Variants in DLG2 observed in about 807,000 individuals in gnomAD.
DLG2 encodes disks large homolog 2.
In DLG2, 45 loss-of-function variants were observed where a neutral mutation model predicts 132.5. The ratio of observed to expected loss-of-function variants is 0.34; its 90% CI spans 0.27 to 0.44. The LOEUF (loss-of-function observed/expected upper bound fraction) is 0.44. DLG2 is among the 20% of genes least tolerant of loss of function. DLG2 has a pLI of 1.00. For synonymous variants in DLG2, 424 were observed against 419.6 expected (o/e 1.01, Z -0.13); for missense variants, 1,045 against 1,196.9 (o/e 0.87, Z 1.87).
chr11:85,533,724 T>C (rs1395526339), intron 3 of DLG2, among the ~76,000 whole-genome samples: 4 of 152,122 alleles, frequency 2.6e-5, no homozygotes, highest in Non-Finnish European at 5.9e-5. Flanking sequence ...GTTTGTTTGA[T>C]CTACCTCTTG....
chr11:84,700,211 A>AT (rs1428953045), intron 6 of DLG2, among the ~76,000 whole-genome samples: 1 of 151,586 alleles, frequency 6.6e-6, no homozygotes, highest in African/African-American at 2.4e-5. Context: ...AATAATATTT[A>AT]TTTTATAAAT....
intron 6 of DLG2, among the ~76,000 whole-genome samples, chr11:84,615,038 G>A (rs1297031109): frequency 6.6e-6 from 1 of 152,052 alleles, no homozygotes; most frequent in Non-Finnish European, 1.5e-5. Flanking sequence ...AAGCATTCAA[G>A]CAGGCACCCA....
chr11:84,824,817 C>T (rs1214625381), intron 6 of DLG2, among the ~76,000 whole-genome samples: 3 of 151,946 alleles, frequency 2.0e-5, no homozygotes, highest in East Asian at 3.9e-4. Flanking sequence ...AATTACCAGA[C>T]GCCCACAGTG....
intron 19 of DLG2, among the ~76,000 whole-genome samples, chr11:83,547,813 A>G (rs1220488826): frequency 6.6e-6 from 1 of 152,176 alleles, no homozygotes; most frequent in Non-Finnish European, 1.5e-5. Context: ...TAGAAAACTA[A>G]TATCAACTTT....
chr11:84,855,884 A>C (rs1167078631), intron 6 of DLG2, among the ~76,000 whole-genome samples: 1 of 152,068 alleles, frequency 6.6e-6, no homozygotes, highest in Non-Finnish European at 1.5e-5. Flanking sequence ...TAATGGGAAG[A>C]AAAGAAACGT....
chr11:84,395,117 T>A (rs2098806821), intron 7 of DLG2, among the ~76,000 whole-genome samples: 1 of 152,178 alleles, frequency 6.6e-6, no homozygotes, highest in African/African-American at 2.4e-5. Context: ...TAATTTGCTG[T>A]TACACTTCTC....
chr11:84,334,999 C>T (rs1390934325), intron 7 of DLG2, among the ~76,000 whole-genome samples: 1 of 151,792 alleles, frequency 6.6e-6, no homozygotes, highest in East Asian at 1.9e-4. Flanking sequence ...GGAAGAAATA[C>T]ATTCCAAAAT....
intron 3 of DLG2, among the ~76,000 whole-genome samples, chr11:85,504,342 T>C (rs1037074169): frequency 6.6e-6 from 1 of 152,062 alleles, no homozygotes; most frequent in African/African-American, 2.4e-5. Flanking sequence ...TTTTATGGTT[T>C]TAGGTCTAAC....
At chr11:83,479,386 A>G (rs1346757554) in intron 22 of DLG2, among the ~76,000 whole-genome samples, 1 of 152,100 alleles carries the variant, frequency 6.6e-6, no homozygotes, top group Non-Finnish European at 1.5e-5. Context: ...GGGGGGGGAA[A>G]ACCTCAAACA....
chr11:83,838,918 A>G (rs1307249133), intron 16 of DLG2, among the ~76,000 whole-genome samples: 2 of 152,258 alleles, frequency 1.3e-5, no homozygotes, highest in Non-Finnish European at 2.9e-5. Context: ...TTTAATAAAA[A>G]TGGGAGAGAG....
At chr11:83,547,776 T>G (rs4547114) in intron 19 of DLG2, among the ~76,000 whole-genome samples, 100,032 of 152,018 alleles carry the variant, frequency 0.66, 33,437 homozygotes, top group Middle Eastern at 0.75. Flanking sequence ...AAGTCATTAG[T>G]TCTGTGATAA....
chr11:83,962,837 C>G (rs1235985946), intron 14 of DLG2, 48 bp downstream of exon 14: 21 of 1,600,136 alleles, frequency 1.3e-5, no homozygotes, highest in Non-Finnish European at 1.8e-5. Flanking sequence ...AATGTGATTT[C>G]TTTCTGGTAA....
At chr11:84,625,817 A>C (rs1371226407) in intron 6 of DLG2, among the ~76,000 whole-genome samples, 1 of 152,194 alleles carries the variant, frequency 6.6e-6, no homozygotes, top group Non-Finnish European at 1.5e-5. Context: ...AAAGAAAATC[A>C]TGTTATTTGG....
intron 7 of DLG2, among the ~76,000 whole-genome samples, chr11:84,522,060 T>C (rs969017488): frequency 2.0e-5 from 3 of 151,836 alleles, no homozygotes; most frequent in Non-Finnish European, 4.4e-5. Context: ...CCCAGCTACT[T>C]GGGAAGCTGA....
intron 6 of DLG2, among the ~76,000 whole-genome samples, chr11:84,609,522 C>T (rs1016111644): frequency 1.3e-5 from 2 of 152,094 alleles, no homozygotes; most frequent in African/African-American, 4.8e-5. Flanking sequence ...TTAAGGTCAA[C>T]CCAAGCCAAT....
Position 83,954,308 on chromosome 11 carries a change from T to C in DLG2, c.1340+8577A>G, listed in dbSNP as rs539562140. Among the ~76,000 whole-genome samples, 5 of 152,340 alleles carry C rather than the reference T, an allele frequency of 3.3e-5. No individual in the cohort carries two copies. In the South Asian group the frequency reaches 8.3e-4, roughly 25 times the overall value. ...TGCTTCCTACTTCTAGTAGGATAGT[T>C]CTATGAATGATTCTTCATGGTTTAT... is the stretch of plus-strand genomic sequence containing the variant. On this transcript the variant is annotated intron_variant, in intron 14 of 27. Transcript: ENST00000376104.
chr11:85,227,926 T>A (rs1010181994), intron 4 of DLG2, among the ~76,000 whole-genome samples: 1 of 152,082 alleles, frequency 6.6e-6, no homozygotes, highest in Non-Finnish European at 1.5e-5. Context: ...ATCACACATG[T>A]TGTCTCTACC....
chr11:85,280,406 C>T (rs948139658), intron 4 of DLG2, among the ~76,000 whole-genome samples: 2 of 152,040 alleles, frequency 1.3e-5, no homozygotes, highest in African/African-American at 4.8e-5. Flanking sequence ...GGCCATGTAA[C>T]TAGCAACTGG....
intron 11 of DLG2, among the ~76,000 whole-genome samples, chr11:83,990,233 A>T (rs1326696130): frequency 6.6e-6 from 1 of 152,150 alleles, no homozygotes; most frequent in Non-Finnish European, 1.5e-5. Flanking sequence ...TGCTCAAGTA[A>T]TTAAAAATGA....
Sources: allele counts gnomAD v4.1 joint callset (sites outside exome capture counted in the v4.1 genomes callset), GRCh38; gene constraint gnomAD v4.1.1; transcripts MANE v1.5; gene names NCBI Gene and HGNC (gene_info 2026-07-23, HGNC 2026-07-21).